SLC8A3: variants seen among roughly 807,000 people sequenced by gnomAD.
SLC8A3 encodes the protein sodium/calcium exchanger 3.
SLC8A3 carries 37 observed loss-of-function variants against 65.4 expected under a neutral mutation model. The observed-to-expected ratio is 0.57, with a 90% CI of 0.44 to 0.74. The LOEUF (loss-of-function observed/expected upper bound fraction) is 0.74. Among genes scored for constraint, SLC8A3 ranks in the 30% least tolerant of loss-of-function variants. SLC8A3 has a pLI of 0.00. For missense variants in SLC8A3, 1,112 were observed against 1,172.1 expected (o/e 0.95, Z 0.75); for synonymous variants, 461 against 444.5 (o/e 1.04, Z -0.47).
intron 5 of SLC8A3, among the ~76,000 whole-genome samples, chr14:70,050,151 T>C (rs1887316137): frequency 6.6e-6 from 1 of 151,984 alleles, no homozygotes; most frequent in Admixed American, 6.6e-5. Flanking sequence ...AGGAGCAGGG[T>C]AGATGATGTG....
rs117106066 is a variant in SLC8A3, at chr14:70,068,394, A to G, written c.1785-7455T>C. Among the ~76,000 whole-genome samples, 169 of 152,198 alleles carry G rather than the reference A, an allele frequency of 1.1e-3. No homozygotes were observed. The East Asian group carries it at 0.02, about 18-fold the overall frequency. On this transcript the variant is annotated intron_variant, in intron 2 of 6. Coordinates refer to ENST00000356921, the MANE Select transcript of SLC8A3 (RefSeq NM_182932.3). ...CTTGTTTCATTCTTCTTATTTATTTATTGAGACAGGGTCTCACTCTGTCAC... is the reference window on the plus strand; with the variant it reads ...CTTGTTTCATTCTTCTTATTTATTTGTTGAGACAGGGTCTCACTCTGTCAC...
At chr14:70,073,795 T>G (rs1230960035) in intron 2 of SLC8A3, among the ~76,000 whole-genome samples, 1 of 152,162 alleles carries the variant, frequency 6.6e-6, no homozygotes, top group African/African-American at 2.4e-5. Flanking sequence ...AACCTTCTAA[T>G]AATTAGGAAG....
chr14:70,167,158 C>T lies in SLC8A3; in HGVS notation c.1265G>A (p.Gly422Glu), dbSNP rs1189855269. The T allele has an allele frequency of 6.2e-7, 1 of 1,614,182 alleles. No homozygotes were observed. The highest frequency in any genetic ancestry group is 1.7e-5 in the Admixed American group (1 of 60,026). Reference protein sequence around the residue: ...GAVLLTVVRKGGDMSKTMYVD... With the variant: ...GAVLLTVVRKEGDMSKTMYVD... Reference sequence around the variant, plus strand: ...ATACATGGTCTTTGACATGTCTCCCCCTTTCCTCACCACTGTCAGGAGTAC... The same window carrying T: ...ATACATGGTCTTTGACATGTCTCCCTCTTTCCTCACCACTGTCAGGAGTAC... Residue 422 changes from glycine to glutamate, a missense_variant, in exon 2 of 7, where the codon GGG becomes GAG. Gly to Glu is a moderately conservative substitution (Grantham distance 98). Transcript: ENST00000356921.
At position 70,188,441 on chromosome 14, in the gene SLC8A3, C is replaced by G. The variant is rs903512131; in HGVS notation, c.-125G>C. 1 of 152,058 alleles carries G rather than the reference C, an allele frequency of 6.6e-6. No individual in the cohort carries two copies. 9.4% of individuals were successfully genotyped at this position (152,058 alleles called of 1,614,324 possible). On this transcript the variant is annotated 5_prime_UTR_variant, in exon 1 of 7. Coordinates refer to ENST00000356921, the MANE Select transcript of SLC8A3 (RefSeq NM_182932.3). Reference sequence around the variant, plus strand: ...AGGGGGGTGAGGAAGGTACGCGATGCCCCCGCCGCCCGGCGCCTCACCGGT... The same window carrying G: ...AGGGGGGTGAGGAAGGTACGCGATGGCCCCGCCGCCCGGCGCCTCACCGGT...
chr14:70,055,789 C>T (rs527628280), intron 3 of SLC8A3: 1 of 1,609,170 alleles, frequency 6.2e-7, no homozygotes, highest in Non-Finnish European at 8.5e-7. Context: ...GACAAGACAC[C>T]TCTTACCTGG....
At chr14:70,144,017 T>C (rs571503950) in intron 2 of SLC8A3, among the ~76,000 whole-genome samples, 2 of 152,264 alleles carry the variant, frequency 1.3e-5, no homozygotes, top group East Asian at 1.9e-4. Context: ...ACTGATCTCA[T>C]GGCTTCATCT....
In SLC8A3 at chr14:70,166,750, G is replaced by C; in HGVS notation, c.1673C>G (p.Ala558Gly). The change falls in exon 2 of 7, where the codon GCC becomes GGC. Residue 558 changes from alanine (A) to glycine (G), a missense_variant. Ala to Gly is a moderately conservative substitution (Grantham distance 60). Transcript: ENST00000356921. ...AAAGGGGACGATGACTGTACCCCGG[G>C]CACCTGATGTCCGCAGAACCTTGAC... ...MEVKVLRTSG[A>G]RGTVIVPFRT... 6.2e-7 allele frequency: 1 copy of C among 1,613,748 alleles called. No homozygotes were observed.
At chr14:70,138,555 A>G (rs1055688527) in intron 2 of SLC8A3, among the ~76,000 whole-genome samples, 5 of 152,170 alleles carry the variant, frequency 3.3e-5, no homozygotes, top group African/African-American at 7.2e-5. Flanking sequence ...GACTTCTCCC[A>G]CCATTGCATC....
intron 2 of SLC8A3, among the ~76,000 whole-genome samples, chr14:70,082,283 T>C: frequency 6.6e-6 from 1 of 151,638 alleles, no homozygotes; most frequent in East Asian, 1.9e-4. Context: ...AAATAATTTC[T>C]TGGGGGGGTG....
chr14:70,164,925 G>A lies in SLC8A3; in HGVS notation c.1784+1714C>T, dbSNP rs114146174. On this transcript the variant is annotated intron_variant, in intron 2 of 6. Coordinates refer to ENST00000356921, the MANE Select transcript of SLC8A3 (RefSeq NM_182932.3). ...TGGATAGTATTCTCCAGAAGGCACA[G>A]GTTTCTACTTACGTTAACAAATGAT... is the stretch of plus-strand genomic sequence containing the variant. Among the ~76,000 whole-genome samples, 396 of 152,326 alleles carry A rather than the reference G, an allele frequency of 2.6e-3. 4 individuals are homozygous for A. Among genetic ancestry groups the A allele is most frequent in the African/African-American group, 9.2e-3 (383 of 41,572 alleles).
intron 2 of SLC8A3, among the ~76,000 whole-genome samples, chr14:70,142,936 T>C (rs1209311320): frequency 6.6e-6 from 1 of 152,232 alleles, no homozygotes; most frequent in Non-Finnish European, 1.5e-5. Context: ...CCACAATGTT[T>C]AGGTCTAGGG....
At chr14:70,159,401 A>G (rs546564880) in intron 2 of SLC8A3, among the ~76,000 whole-genome samples, 113 of 122,946 alleles carry the variant, frequency 9.2e-4, no homozygotes, top group Middle Eastern at 4.1e-3. Flanking sequence ...CAACAGAGCA[A>G]GACTCTGTCA....
At chr14:70,086,313 G>T (rs1371326357) in intron 2 of SLC8A3, among the ~76,000 whole-genome samples, 1 of 152,014 alleles carries the variant, frequency 6.6e-6, no homozygotes, top group Non-Finnish European at 1.5e-5. Flanking sequence ...GCCTAGCTTA[G>T]TTGGACTCCA....
intron 2 of SLC8A3, among the ~76,000 whole-genome samples, chr14:70,079,798 T>G (rs10129546): frequency 0.061 from 9,338 of 152,300 alleles, 300 homozygotes; most frequent in African/African-American, 0.077. Context: ...GGCTCAGAAT[T>G]TTTATATGGC....
intron 2 of SLC8A3, among the ~76,000 whole-genome samples, chr14:70,140,695 G>A (rs1341479306): frequency 1.3e-5 from 2 of 152,176 alleles, no homozygotes; most frequent in Non-Finnish European, 2.9e-5. Flanking sequence ...GGTAATGTAG[G>A]TGTACATTAA....
chr14:70,169,345 C>G (rs775962139), intron 1 of SLC8A3, among the ~76,000 whole-genome samples: 9 of 152,284 alleles, frequency 5.9e-5, no homozygotes, highest in Non-Finnish European at 1.2e-4. Context: ...CTGAGCCCTC[C>G]AGTAAAACCT....
chr14:70,082,681 T>C (rs1159900634), intron 2 of SLC8A3, among the ~76,000 whole-genome samples: 1 of 152,006 alleles, frequency 6.6e-6, no homozygotes, highest in Non-Finnish European at 1.5e-5. Context: ...CCCATGGGAG[T>C]GTAGCTGTGT....
chr14:70,180,615 T>C (rs766434809), intron 1 of SLC8A3, among the ~76,000 whole-genome samples: 17 of 152,180 alleles, frequency 1.1e-4, no homozygotes, highest in Non-Finnish European at 2.2e-4. Flanking sequence ...ATGTTTGGGG[T>C]AGGTGGAGCA....
At chr14:70,126,683 C>G (rs1395641052) in intron 2 of SLC8A3, among the ~76,000 whole-genome samples, 1 of 151,750 alleles carries the variant, frequency 6.6e-6, no homozygotes, top group Non-Finnish European at 1.5e-5. Context: ...TTCCTCCCAC[C>G]CTTCCCAGCT....
Sources: gnomAD v4.1 joint callset for allele counts (sites outside exome capture counted in the v4.1 genomes callset) on GRCh38, gnomAD v4.1.1 for gene constraint, MANE v1.5 for transcripts, NCBI Gene and HGNC (gene_info 2026-07-23, HGNC 2026-07-21) for gene names.